Variants in UPF2 observed in about 807,000 individuals in gnomAD.
UPF2 encodes regulator of nonsense transcripts 2.
A neutral mutation model predicts 141.4 loss-of-function variants in UPF2; 17 were observed. That is an observed-to-expected ratio of 0.12 (90% CI 0.08 to 0.18). UPF2 has a LOEUF of 0.18. UPF2 is among the 10% of genes least tolerant of loss of function. The pLI is 1.00. For missense variants in UPF2, 1,152 were observed against 1,515.9 expected (o/e 0.76, Z 3.99); for synonymous variants, 540 against 498.0 (o/e 1.08, Z -1.12).
chr10:12,036,358 A>C (rs1564375435), intron 1 of UPF2, among the ~76,000 whole-genome samples: 2 of 152,236 alleles, frequency 1.3e-5, no homozygotes, highest in Admixed American at 6.5e-5. Context: ...ATTATCACCC[A>C]AAAACTGCTG....
chr10:11,925,204 G>A (rs1021834269), intron 21 of UPF2, among the ~76,000 whole-genome samples: 3 of 152,150 alleles, frequency 2.0e-5, no homozygotes, highest in Non-Finnish European at 2.9e-5. Context: ...CATCTACCAT[G>A]TTTATCGCAC....
rs1833105422 is a variant in UPF2, at chr10:11,953,606, A to C, written c.2851-1357T>G. ...CTTTTCTCTCAGCCTAAGATGTCAG[A>C]GTGAATCGAAAGGATTCTCTTCTGA... On this transcript the variant is annotated intron_variant, in intron 14 of 21. Coordinates refer to ENST00000357604, the MANE Select transcript of UPF2 (RefSeq NM_015542.4). This position sits in a 1 kb window ranked among gnomAD's most constrained non-coding sequence, Gnocchi z 5.0. 6.6e-6 allele frequency among the ~76,000 whole-genome samples: 1 copy of C among 152,216 alleles called. No individual in the cohort carries two copies. The highest frequency in any genetic ancestry group is 1.5e-5 in the Non-Finnish European group (1 of 68,036).
rs1257088788 is a variant in UPF2 at position 11,940,060 on chromosome 10, G to A, written c.3378+2605C>T. Among the ~76,000 whole-genome samples the A allele has an allele frequency of 6.6e-6, 1 of 152,086 alleles. No homozygotes were observed. Among genetic ancestry groups the A allele is most frequent in the Non-Finnish European group, 1.5e-5 (1 of 68,026 alleles). ...TCTCTAGGATACTGCATCCTCCTATGACATTCTCATCAAAACAAAGAGACT... is the reference window on the plus strand; with the variant it reads ...TCTCTAGGATACTGCATCCTCCTATAACATTCTCATCAAAACAAAGAGACT... On this transcript the variant is annotated intron_variant, in intron 18 of 21. Transcript: ENST00000357604. The surrounding 1 kb of genome is among the most constrained non-coding windows in gnomAD (Gnocchi z 4.2).
chr10:11,961,362 A>G (rs1047294605), intron 11 of UPF2, among the ~76,000 whole-genome samples: 3 of 151,994 alleles, frequency 2.0e-5, no homozygotes, highest in African/African-American at 7.3e-5. Flanking sequence ...TTTCTGAGAA[A>G]GTGACATTTA....
chr10:12,002,955 T>C (rs1407453334), intron 5 of UPF2, among the ~76,000 whole-genome samples: 2 of 152,192 alleles, frequency 1.3e-5, no homozygotes, highest in African/African-American at 4.8e-5. Context: ...TAGTCTCTAA[T>C]CTCCTAATTT....
Position 11,992,305 on chromosome 10 carries a change from A to G in UPF2, c.1844+5367T>C, listed in dbSNP as rs925856389. ...TCAGGTGTGCCGCTTGCCTACTGAA[A>G]TAATGCTGAAAGTTAAATATCACTC... On this transcript the variant is annotated intron_variant, in intron 8 of 21. Coordinates refer to ENST00000357604, the MANE Select transcript of UPF2 (RefSeq NM_015542.4). This position sits in a 1 kb window ranked among gnomAD's most constrained non-coding sequence, Gnocchi z 4.1. Among the ~76,000 whole-genome samples the G allele has an allele frequency of 2.6e-5, 4 of 152,332 alleles. No individual in the cohort carries two copies. The highest frequency in any genetic ancestry group is 9.6e-5 in the African/African-American group (4 of 41,574).
At chr10:12,036,297 T>C (rs934923901) in intron 1 of UPF2, among the ~76,000 whole-genome samples, 1 of 152,242 alleles carries the variant, frequency 6.6e-6, no homozygotes, top group Admixed American at 6.5e-5. Context: ...CTCCCTCATT[T>C]TGACAACCAA....
At chr10:12,030,543 A>T (rs1034805629) in intron 2 of UPF2, among the ~76,000 whole-genome samples, 5 of 148,920 alleles carry the variant, frequency 3.4e-5, no homozygotes, top group African/African-American at 5.0e-5. Flanking sequence ...CTGCCTCAAA[A>T]AATAATAATA....
intron 13 of UPF2, among the ~76,000 whole-genome samples, chr10:11,955,883 C>T (rs1407039717): frequency 6.6e-6 from 1 of 152,158 alleles, no homozygotes; most frequent in Non-Finnish European, 1.5e-5. Flanking sequence ...TAGCTCACGC[C>T]TGTAATCCCA....
rs142087307 is a variant in UPF2, at chr10:12,002,312, T to C, written c.1505-487A>G. 1.3e-4 allele frequency among the ~76,000 whole-genome samples: 20 copies of C among 152,310 alleles called. No individual in the cohort carries two copies. The East Asian group carries it at 3.9e-3, about 29-fold the overall frequency. On this transcript the variant is annotated intron_variant, in intron 5 of 21. Transcript: ENST00000357604. ...TTATGCTCATTGAGAACGAAGGCTA[T>C]ATCTTCTCTGATTATGTATACCATT... is the stretch of plus-strand genomic sequence containing the variant.
At chr10:11,926,049 G>A (rs944772138) in intron 21 of UPF2, among the ~76,000 whole-genome samples, 1 of 152,222 alleles carries the variant, frequency 6.6e-6, no homozygotes, top group Admixed American at 6.5e-5. Flanking sequence ...GGCTGAGGCA[G>A]CAACAGCAAT....
Position 11,934,814 on chromosome 10 carries a change from C to T in UPF2, c.3546+1731G>A, listed in dbSNP as rs188285677. On this transcript the variant is annotated intron_variant, in intron 19 of 21. Transcript: ENST00000357604. ...TATGTTGGTCAGGCTGGTCTTGAAT[C>T]CCTGACCTTGTGATCCGCCCGCCTT... Among the ~76,000 whole-genome samples the T allele has an allele frequency of 3.9e-4, 59 of 152,180 alleles. 1 individual carries two copies. In the East Asian group the frequency reaches 0.01, roughly 27 times the overall value.
At chr10:11,958,849 T>C (rs1176964186) in intron 12 of UPF2, among the ~76,000 whole-genome samples, 1 of 152,202 alleles carries the variant, frequency 6.6e-6, no homozygotes, top group Admixed American at 6.5e-5. Context: ...GTTAGGATCC[T>C]GTGTACTGAT....
rs565359760 is a variant in UPF2, at chr10:11,953,578, T to C, written c.2851-1329A>G. Among the ~76,000 whole-genome samples the C allele has an allele frequency of 9.2e-5, 14 of 152,348 alleles. No individual in the cohort carries two copies. Among genetic ancestry groups the C allele is most frequent in the South Asian group, 2.1e-4 (1 of 4,830 alleles). On this transcript the variant is annotated intron_variant, in intron 14 of 21. Coordinates refer to ENST00000357604, the MANE Select transcript of UPF2 (RefSeq NM_015542.4). The surrounding 1 kb of genome is among the most constrained non-coding windows in gnomAD (Gnocchi z 5.0). ...TTTGGCTCCTGAATATTTCTGAGTG[T>C]TTCTTTTCTCTCAGCCTAAGATGTC...
At chr10:11,938,732 C>A (rs1364448184) in intron 18 of UPF2, among the ~76,000 whole-genome samples, 2 of 151,530 alleles carry the variant, frequency 1.3e-5, no homozygotes, top group Non-Finnish European at 2.9e-5. Context: ...ATATTTTCTT[C>A]CTGGCCTGTC....
At chr10:12,015,656 C>T (rs772547780) in intron 3 of UPF2, among the ~76,000 whole-genome samples, 22 of 152,066 alleles carry the variant, frequency 1.4e-4, no homozygotes, top group Non-Finnish European at 2.5e-4. Flanking sequence ...GAGCCGAGAT[C>T]GTGCCACTGC....
chr10:11,957,824 C>T (rs1165697707), intron 12 of UPF2, among the ~76,000 whole-genome samples: 15 of 152,070 alleles, frequency 9.9e-5, no homozygotes, highest in Admixed American at 9.8e-4. Flanking sequence ...CTAATAATCT[C>T]ACTTAAAAAA....
Position 12,035,147 on chromosome 10 carries a change from C to T in UPF2, c.277G>A (p.Glu93Lys), listed in dbSNP as rs752101452. ...EEESKKKEEE[E>K]KKKHQEEERK... The stretch of plus-strand genomic sequence containing the variant: ...TCTTCCTCTTGATGTTTCTTTTTTT[C>T]TTCCTCTTCTTTTTTCTTTGATTCT... Residue 93 changes from glutamate to lysine, a missense_variant, in exon 2 of 22, where the codon GAA becomes AAA. By Grantham distance (56) the Glu-to-Lys change is moderately conservative. Coordinates refer to ENST00000357604, the MANE Select transcript of UPF2 (RefSeq NM_015542.4). 3.1e-6 allele frequency: 5 copies of T among 1,599,024 alleles called. No individual in the cohort carries two copies. The highest frequency in any genetic ancestry group is 1.8e-5 in the Admixed American group (1 of 55,988).
chr10:12,013,974 T>C (rs757585616), intron 4 of UPF2, 50 bp downstream of exon 4: 5 of 1,426,374 alleles, frequency 3.5e-6, no homozygotes, highest in East Asian at 2.6e-5. Context: ...TAAAGGTAAG[T>C]GACAGTGCTT....
Sources: allele counts gnomAD v4.1 joint callset (sites outside exome capture counted in the v4.1 genomes callset), GRCh38; gene constraint gnomAD v4.1.1; non-coding constraint Gnocchi (gnomAD v3.1); transcripts MANE v1.5; gene names NCBI Gene and HGNC (gene_info 2026-07-23, HGNC 2026-07-21).